DLG2: variants seen among roughly 807,000 people sequenced by gnomAD.
DLG2 encodes discs large MAGUK scaffold protein 2, also known as disks large homolog 2.
DLG2 carries 45 observed loss-of-function variants against 132.5 expected under a neutral mutation model. That is an observed-to-expected ratio of 0.34 (90% confidence interval 0.27 to 0.44). The LOEUF (loss-of-function observed/expected upper bound fraction) is 0.44, where lower values mean the gene tolerates loss of function less well. DLG2 is among the 20% of genes least tolerant of loss of function. The pLI is 1.00. For missense variants in DLG2, 1,045 were observed against 1,196.9 expected (o/e 0.87, Z 1.87); for synonymous variants, 424 against 419.6 (o/e 1.01, Z -0.13).
intron 6 of DLG2, among the ~76,000 whole-genome samples, chr11:84,660,066 T>A (rs2154547815): frequency 6.6e-6 from 1 of 152,196 alleles, no homozygotes; most frequent in Middle Eastern, 3.4e-3. Context: ...GAGTTTTTAC[T>A]GGGGCTCCAT....
chr11:84,219,600 A>AT (rs1442448042), intron 8 of DLG2, among the ~76,000 whole-genome samples: 2 of 152,134 alleles, frequency 1.3e-5, no homozygotes, highest in African/African-American at 2.4e-5. Flanking sequence ...ACTGACCTAT[A>AT]TTTTTTCACT....
chr11:84,636,393 T>G (rs1318728439), intron 6 of DLG2, among the ~76,000 whole-genome samples: 1 of 152,230 alleles, frequency 6.6e-6, no homozygotes, highest in Non-Finnish European at 1.5e-5. Context: ...ATTTTGATTC[T>G]GCTACCTACC....
intron 6 of DLG2, among the ~76,000 whole-genome samples, chr11:84,832,389 T>C (rs1303152225): frequency 6.6e-6 from 1 of 151,628 alleles, no homozygotes; most frequent in Non-Finnish European, 1.5e-5. Context: ...GCTTTTGAAG[T>C]AGGACAAACA....
At chr11:83,470,339 T>G (rs2091868652) in intron 24 of DLG2, among the ~76,000 whole-genome samples, 1 of 152,030 alleles carries the variant, frequency 6.6e-6, no homozygotes, top group Non-Finnish European at 1.5e-5. Context: ...TAGATGGAAA[T>G]GTACAAAAAT....
At chr11:84,202,581 C>T (rs952191088) in intron 8 of DLG2, among the ~76,000 whole-genome samples, 8 of 152,074 alleles carry the variant, frequency 5.3e-5, no homozygotes, top group African/African-American at 1.9e-4. Context: ...AACGAAGACA[C>T]CAAAAGCAAT....
At chr11:85,434,800 G>C (rs2091387646) in intron 3 of DLG2, among the ~76,000 whole-genome samples, 1 of 152,030 alleles carries the variant, frequency 6.6e-6, no homozygotes, top group African/African-American at 2.4e-5. Context: ...GAAAATGAAG[G>C]ACTTCTCCCA....
At chr11:84,443,269 G>C (rs1363617532) in intron 7 of DLG2, among the ~76,000 whole-genome samples, 1 of 152,036 alleles carries the variant, frequency 6.6e-6, no homozygotes, top group African/African-American at 2.4e-5. Flanking sequence ...TTAATATTTT[G>C]TCATATTTGA....
chr11:84,445,237 T>C (rs566349681), intron 7 of DLG2, among the ~76,000 whole-genome samples: 15 of 152,356 alleles, frequency 9.8e-5, no homozygotes, highest in Non-Finnish European at 1.0e-4. Flanking sequence ...GTTAACTTCT[T>C]TATTTTTAGA....
intron 3 of DLG2, among the ~76,000 whole-genome samples, chr11:85,587,550 G>T (rs1311784610): frequency 6.6e-6 from 1 of 151,918 alleles, no homozygotes; most frequent in Non-Finnish European, 1.5e-5. Context: ...ATTTTCATGG[G>T]GTATCTTTTT....
intron 8 of DLG2, among the ~76,000 whole-genome samples, chr11:84,211,914 T>C (rs1213226631): frequency 2.0e-5 from 3 of 152,198 alleles, no homozygotes; most frequent in Non-Finnish European, 4.4e-5. Context: ...ATATATGCTA[T>C]ACTTCTATTC....
At chr11:85,400,790 G>C (rs1004110976) in intron 3 of DLG2, among the ~76,000 whole-genome samples, 8 of 151,890 alleles carry the variant, frequency 5.3e-5, no homozygotes, top group East Asian at 1.9e-4. Flanking sequence ...TGTGGGGTGG[G>C]GGGAGAGGGG....
chr11:83,745,705 GA>G (rs1437745676), intron 18 of DLG2, among the ~76,000 whole-genome samples: 1 of 152,068 alleles, frequency 6.6e-6, no homozygotes, highest in African/African-American at 2.4e-5. Flanking sequence ...AGGATGCTGA[GA>G]TAGGAGAACT....
intron 3 of DLG2, among the ~76,000 whole-genome samples, chr11:85,371,819 C>T (rs1172443304): frequency 6.6e-6 from 1 of 152,172 alleles, no homozygotes; most frequent in Non-Finnish European, 1.5e-5. Context: ...TCCGTGATTC[C>T]TTGTGGTACA....
intron 6 of DLG2, chr11:84,534,948 A>G (rs1259602979): frequency 1.5e-5 from 10 of 669,564 alleles, no homozygotes; most frequent in Non-Finnish European, 2.7e-5. Flanking sequence ...CAATGTCCAG[A>G]CTTGTTTCTG....
At chr11:84,940,485 G>A (rs527888350) in intron 6 of DLG2, among the ~76,000 whole-genome samples, 1 of 152,146 alleles carries the variant, frequency 6.6e-6, no homozygotes, top group South Asian at 2.1e-4. Context: ...ATGATGTTGA[G>A]CACCTTTTCA....
intron 8 of DLG2, among the ~76,000 whole-genome samples, chr11:84,213,301 C>A (rs532130283): frequency 6.6e-6 from 1 of 152,168 alleles, no homozygotes; most frequent in East Asian, 1.9e-4. Context: ...ATGAGCCTGA[C>A]TTTGCTAGGA....
intron 6 of DLG2, among the ~76,000 whole-genome samples, chr11:84,970,094 C>T (rs895155427): frequency 1.3e-5 from 2 of 152,022 alleles, no homozygotes; most frequent in African/African-American, 2.4e-5. Context: ...TGCAGCAAAC[C>T]ACCATGGCAC....
rs1204102166 is a variant in DLG2 at position 85,583,120 on chromosome 11, GTGTGTGTGTGTATA to G, written c.40+15523_40+15536del. Among the ~76,000 whole-genome samples, 24 of 57,832 alleles carry G rather than the reference GTGTGTGTGTGTATA, an allele frequency of 4.1e-4. No individual in the cohort carries two copies. In the East Asian group the frequency reaches 7.1e-3, roughly 17 times the overall value. 37.9% of individuals were successfully genotyped at this position (57,832 alleles called of 152,430 possible). ...TGTGTGTGTGTGTGTGTGTGTGTGT[GTGTGTGTGTGTATA>G]TATATATATATATATATATATATAT... On this transcript the variant is annotated intron_variant, in intron 3 of 27. Transcript: ENST00000376104.
chr11:84,080,824 T>G, intron 10 of DLG2, among the ~76,000 whole-genome samples: 1 of 151,918 alleles, frequency 6.6e-6, no homozygotes, highest in East Asian at 1.9e-4. Context: ...AAACCCCATC[T>G]CTACTAAAAA....
Sources: allele counts gnomAD v4.1 joint callset (sites outside exome capture counted in the v4.1 genomes callset), GRCh38; gene constraint gnomAD v4.1.1; transcripts MANE v1.5; gene names NCBI Gene and HGNC (gene_info 2026-07-23, HGNC 2026-07-21).